HLTF: variants seen among roughly 807,000 people sequenced by gnomAD.
The protein encoded by HLTF is helicase like transcription factor, also known as DNA-dependent ATPase/E3 ubiquitin-protein ligase HLTF.
HLTF carries 127 observed loss-of-function variants against 129.4 expected under a neutral mutation model. The observed-to-expected ratio is 0.98, with a 90% CI of 0.85 to 1.14. HLTF has a LOEUF of 1.14. Ranked by LOEUF, HLTF falls within the 50% of genes most tolerant of loss-of-function variation. The pLI, the probability that HLTF is intolerant of heterozygous loss-of-function variation, is 0.00. For synonymous variants in HLTF, 332 were observed against 388.8 expected (o/e 0.85, Z 1.72); for missense variants, 1,139 against 1,187.1 (o/e 0.96, Z 0.60).
At chr3:149,053,896 T>C (rs1204485227) in intron 14 of HLTF, among the ~76,000 whole-genome samples, 1 of 152,226 alleles carries the variant, frequency 6.6e-6, no homozygotes, top group Admixed American at 6.5e-5. Context: ...ACCCATGTAC[T>C]ATCCTTCCCA....
At chr3:149,068,136 A>G in intron 8 of HLTF, 104 bp downstream of exon 8, 1 of 589,916 alleles carries the variant, frequency 1.7e-6, no homozygotes, top group Non-Finnish European at 3.1e-6. Flanking sequence ...CATTCATCGC[A>G]TTTCTGAAAA....
At chr3:149,053,795 C>T (rs999398070) in intron 14 of HLTF, among the ~76,000 whole-genome samples, 1 of 152,258 alleles carries the variant, frequency 6.6e-6, no homozygotes, top group Admixed American at 6.5e-5. Flanking sequence ...TTTAAAAATA[C>T]ATCTCTATAC....
chr3:149,055,610 T>C (rs965621140), intron 13 of HLTF, among the ~76,000 whole-genome samples: 1 of 152,210 alleles, frequency 6.6e-6, no homozygotes, highest in Non-Finnish European at 1.5e-5. Flanking sequence ...CAAAGGACTA[T>C]GACAGAGAGT....
intron 7 of HLTF, among the ~76,000 whole-genome samples, chr3:149,070,726 C>T (rs1718775792): frequency 6.6e-6 from 1 of 152,156 alleles, no homozygotes; most frequent in South Asian, 2.1e-4. Flanking sequence ...AGACAGGTCA[C>T]CCTGAATTTC....
At chr3:149,042,003 TA>T (rs1456450843) in intron 19 of HLTF, 162 bp downstream of exon 19, 9 of 634,032 alleles carry the variant, frequency 1.4e-5, no homozygotes, top group Admixed American at 3.0e-5. Flanking sequence ...ATTTCATTGG[TA>T]AAAAAATTAT....
intron 23 of HLTF, 76 bp from the exon 24 acceptor site, chr3:149,035,074 T>C (rs1715454822): frequency 9.7e-7 from 1 of 1,035,422 alleles, no homozygotes; most frequent in Non-Finnish European, 1.5e-6. Context: ...TTCATTTCAC[T>C]AGTATTCATT....
chr3:149,072,217 C>T (rs796898811), intron 5 of HLTF, among the ~76,000 whole-genome samples: 2 of 152,028 alleles, frequency 1.3e-5, no homozygotes, highest in African/African-American at 2.4e-5. Context: ...TTTTAAGTCC[C>T]GAGTTTCAGT....
chr3:149,073,100 CATT>C, intron 5 of HLTF, 122 bp downstream of exon 5: 2 of 487,706 alleles, frequency 4.1e-6, no homozygotes, highest in Non-Finnish European at 3.7e-6. Flanking sequence ...TAACATGTTT[CATT>C]ATAACTTAAT....
chr3:149,058,736 C>T (rs533727392), intron 13 of HLTF, among the ~76,000 whole-genome samples: 47 of 152,296 alleles, frequency 3.1e-4, no homozygotes, highest in Non-Finnish European at 5.6e-4. Flanking sequence ...TCTCCATTCA[C>T]AGAGTTTTGT....
intron 19 of HLTF, 178 bp from the exon 20 acceptor site, chr3:149,041,846 GC>G: frequency 1.2e-5 from 7 of 598,748 alleles, no homozygotes; most frequent in Non-Finnish European, 2.1e-5. Flanking sequence ...CAAAATAGTA[GC>G]CAACTCACAT....
intron 7 of HLTF, 134 bp downstream of exon 7, chr3:149,071,118 T>G: frequency 1.9e-6 from 1 of 523,568 alleles, no homozygotes; most frequent in East Asian, 3.1e-5. Flanking sequence ...GGAAAAACTG[T>G]GTTCTACAAA....
chr3:149,071,745 A>G, intron 5 of HLTF, 88 bp from the exon 6 acceptor site: 5 of 878,308 alleles, frequency 5.7e-6, no homozygotes, highest in Non-Finnish European at 7.2e-6. Flanking sequence ...CATTTAATTA[A>G]CTGGCGTTAA....
At chr3:149,047,049 ATACT>A (rs1412518676) in intron 17 of HLTF, among the ~76,000 whole-genome samples, 2 of 152,226 alleles carry the variant, frequency 1.3e-5, no homozygotes, top group East Asian at 1.9e-4. Flanking sequence ...TCACAAAATA[ATACT>A]TACTATGTAT....
Position 149,064,878 on chromosome 3 carries a change from G to A in HLTF, c.991-12C>T. 1 of 1,497,268 alleles carries A rather than the reference G, an allele frequency of 6.7e-7. No homozygotes were observed. Among genetic ancestry groups the A allele is most frequent in the Non-Finnish European group, 9.3e-7 (1 of 1,075,930 alleles). The allele number at this position is 1,497,268 out of a possible 1,614,324, so 92.7% of individuals were successfully genotyped here. A position where few individuals can be genotyped will look rare whatever the true frequency, so the allele number is the denominator to read the frequency against. On this transcript the variant is annotated splice_polypyrimidine_tract_variant and intron_variant, in intron 8 of 24. Coordinates refer to ENST00000310053, the MANE Select transcript of HLTF (RefSeq NM_003071.4). ...TTAACATTATATTCCTGGGTAAATA[G>A]GCATATTTCTTAAACAGTACTGCTA...
At chr3:149,044,607 T>G (rs1383448419) in intron 18 of HLTF, among the ~76,000 whole-genome samples, 1 of 152,078 alleles carries the variant, frequency 6.6e-6, no homozygotes, top group East Asian at 1.9e-4. Context: ...TTATTTGATA[T>G]CTCTACTTGG....
intron 18 of HLTF, 71 bp from the exon 19 acceptor site, chr3:149,042,361 G>C: frequency 7.9e-7 from 1 of 1,261,334 alleles, no homozygotes; most frequent in Non-Finnish European, 1.1e-6. Flanking sequence ...AAACAGCAGA[G>C]TAAAATGGCA....
At chr3:149,046,485 T>C (rs1465973317) in intron 17 of HLTF, among the ~76,000 whole-genome samples, 1 of 152,114 alleles carries the variant, frequency 6.6e-6, no homozygotes, top group African/African-American at 2.4e-5. Context: ...ATACCTAACA[T>C]AGTTTAATCT....
At chr3:149,036,183 A>C in intron 23 of HLTF, among the ~76,000 whole-genome samples, 1 of 152,192 alleles carries the variant, frequency 6.6e-6, no homozygotes, top group East Asian at 1.9e-4. Flanking sequence ...AAAATGGTGC[A>C]ACAATGAAAA....
At chr3:149,070,274 A>G (rs762678726) in intron 7 of HLTF, among the ~76,000 whole-genome samples, 5 of 152,250 alleles carry the variant, frequency 3.3e-5, no homozygotes, top group Non-Finnish European at 7.3e-5. Context: ...TTTTCTTCAT[A>G]TACTTCAACC....
Sources: gnomAD v4.1 joint callset for allele counts (sites outside exome capture counted in the v4.1 genomes callset) on GRCh38, gnomAD v4.1.1 for gene constraint, MANE v1.5 for transcripts, NCBI Gene and HGNC (gene_info 2026-07-23, HGNC 2026-07-21) for gene names.